AATF: variants seen among roughly 807,000 people sequenced by gnomAD.
AATF encodes protein AATF.
In AATF, 48 loss-of-function variants were observed where a neutral mutation model predicts 63.7. The observed-to-expected ratio is 0.75, with a 90% CI of 0.60 to 0.96. The LOEUF is 0.96. Ranked by LOEUF, AATF falls within the 40% of genes least tolerant of loss-of-function variation. The pLI is 0.00. For synonymous variants in AATF, 258 were observed against 247.7 expected, an observed-to-expected ratio of 1.04 and a Z score of -0.39; for missense variants, 639 against 685.7, an observed-to-expected ratio of 0.93 and a Z score of 0.76.
chr17:36,972,897 CT>C (rs1451757508), intron 4 of AATF, among the ~76,000 whole-genome samples: 1 of 152,022 alleles, frequency 6.6e-6, no homozygotes, highest in African/African-American at 2.4e-5. Context: ...GGGATTCTGT[CT>C]TTTTTAGGGT....
intron 4 of AATF, among the ~76,000 whole-genome samples, chr17:36,976,295 G>A (rs1159070571): frequency 6.6e-6 from 1 of 152,166 alleles, no homozygotes; most frequent in East Asian, 1.9e-4. Context: ...GTAAAATGGT[G>A]ATGCAATAAT....
intron 4 of AATF, among the ~76,000 whole-genome samples, chr17:36,978,995 G>A (rs2071100252): frequency 1.3e-5 from 2 of 151,910 alleles, no homozygotes; most frequent in African/African-American, 2.4e-5. Context: ...GGTAGCCCGC[G>A]AGTTGCACAA....
intron 4 of AATF, among the ~76,000 whole-genome samples, chr17:36,975,695 C>T (rs1348879221): frequency 5.3e-5 from 8 of 152,150 alleles, no homozygotes; most frequent in Admixed American, 4.6e-4. Flanking sequence ...AACAGTAGGT[C>T]AGGAGCTAGG....
At chr17:37,042,145 A>C (rs1441605573) in intron 11 of AATF, among the ~76,000 whole-genome samples, 1 of 152,082 alleles carries the variant, frequency 6.6e-6, no homozygotes, top group Non-Finnish European at 1.5e-5. Context: ...ACCTGTCAAT[A>C]TTAATGATTT....
chr17:36,992,207 A>G (rs1259778080), intron 8 of AATF, among the ~76,000 whole-genome samples: 1 of 152,240 alleles, frequency 6.6e-6, no homozygotes, highest in African/African-American at 2.4e-5. Context: ...AAAGAGAAAG[A>G]GACTTTCTAT....
chr17:37,040,047 A>G (rs2071624577), intron 11 of AATF, among the ~76,000 whole-genome samples: 1 of 152,154 alleles, frequency 6.6e-6, no homozygotes, highest in South Asian at 2.1e-4. Flanking sequence ...GATGTTTCAC[A>G]TTCTTTAAAG....
At chr17:37,010,666 T>C (rs2071383695) in intron 8 of AATF, among the ~76,000 whole-genome samples, 1 of 152,060 alleles carries the variant, frequency 6.6e-6, no homozygotes, top group Non-Finnish European at 1.5e-5. Flanking sequence ...TGCATGTGTG[T>C]GAGTGCAGCT....
intron 9 of AATF, among the ~76,000 whole-genome samples, chr17:37,019,533 G>A (rs1276430999): frequency 2.6e-5 from 4 of 152,208 alleles, no homozygotes; most frequent in African/African-American, 9.7e-5. Flanking sequence ...GAAGTGGAAC[G>A]TGGCAGCATT....
chr17:37,048,763 A>G (rs1379950517), intron 11 of AATF, among the ~76,000 whole-genome samples: 5 of 152,144 alleles, frequency 3.3e-5, no homozygotes, highest in African/African-American at 9.7e-5. Context: ...CCCAAAGAGC[A>G]CAGGGCGATT....
intron 4 of AATF, among the ~76,000 whole-genome samples, chr17:36,964,711 A>C (rs1180956760): frequency 6.6e-6 from 1 of 151,414 alleles, no homozygotes; most frequent in Non-Finnish European, 1.5e-5. Context: ...AAATCATGCT[A>C]TTTTCAGTTC....
At chr17:36,961,508 A>C (rs2070946840) in intron 4 of AATF, among the ~76,000 whole-genome samples, 1 of 152,168 alleles carries the variant, frequency 6.6e-6, no homozygotes, top group Non-Finnish European at 1.5e-5. Flanking sequence ...TTTCATGTTA[A>C]GTCTTTGAAA....
intron 8 of AATF, among the ~76,000 whole-genome samples, chr17:37,001,720 C>T (rs1234371448): frequency 6.6e-6 from 1 of 152,168 alleles, no homozygotes; most frequent in Non-Finnish European, 1.5e-5. Flanking sequence ...CAAATAACGT[C>T]ATACTCACTG....
intron 11 of AATF, among the ~76,000 whole-genome samples, chr17:37,053,729 G>A (rs2071773321): frequency 6.6e-6 from 1 of 152,172 alleles, no homozygotes; most frequent in Non-Finnish European, 1.5e-5. Flanking sequence ...AGCCGGGCGT[G>A]GTGGTGCGCA....
chr17:36,980,898 CTTTTT>C (rs1234706804), intron 4 of AATF, among the ~76,000 whole-genome samples: 1 of 132,952 alleles, frequency 7.5e-6, no homozygotes, highest in Non-Finnish European at 1.6e-5. Context: ...CTTTGATAAA[CTTTTT>C]TTTTTTTTTT....
In AATF at chr17:36,953,240, C is replaced by G. The variant is rs1171019294; in HGVS notation, c.638C>G (p.Ser213Cys). Reference sequence around the variant, plus strand: ...GATGATGGTGTGGTGATGACCTTCTCTAGTGTCAAAGTTTCTGAGGAAGTG... The same window carrying G: ...GATGATGGTGTGGTGATGACCTTCTGTAGTGTCAAAGTTTCTGAGGAAGTG... ...SEDDGVVMTFSSVKVSEEVEK... is the reference protein window; with the variant it reads ...SEDDGVVMTFCSVKVSEEVEK... Residue 213 changes from serine (S) to cysteine (C), a missense_variant, in exon 3 of 12, where the codon TCT becomes TGT. Ser to Cys is a moderately radical substitution (Grantham distance 112, BLOSUM62 -1). Coordinates refer to ENST00000619387, the MANE Select transcript of AATF (RefSeq NM_012138.4). 1 of 1,614,116 alleles carries G rather than the reference C, an allele frequency of 6.2e-7. No individual in the cohort carries two copies. The highest frequency in any genetic ancestry group is 1.1e-5 in the South Asian group (1 of 91,078).
At chr17:36,979,306 G>A (rs1224585646) in intron 4 of AATF, among the ~76,000 whole-genome samples, 3 of 152,114 alleles carry the variant, frequency 2.0e-5, no homozygotes, top group African/African-American at 7.2e-5. Context: ...GAGAATTAAA[G>A]GCATATTTTA....
intron 4 of AATF, among the ~76,000 whole-genome samples, chr17:36,980,898 C>CTTTT (rs1234706804): frequency 7.5e-6 from 1 of 132,954 alleles, no homozygotes; most frequent in African/African-American, 2.8e-5. Context: ...CTTTGATAAA[C>CTTTT]TTTTTTTTTT....
intron 4 of AATF, among the ~76,000 whole-genome samples, chr17:36,982,495 A>C (rs1436911540): frequency 6.6e-6 from 1 of 151,952 alleles, no homozygotes; most frequent in Admixed American, 6.6e-5. Flanking sequence ...CTGGGACTAC[A>C]GGCACGTGCC....
intron 4 of AATF, among the ~76,000 whole-genome samples, chr17:36,958,017 T>C (rs756619984): frequency 1.4e-4 from 22 of 152,148 alleles, no homozygotes; most frequent in Non-Finnish European, 3.1e-4. Context: ...TAATTTAAAC[T>C]TGAACTGTGG....
Sources: gnomAD v4.1 joint callset for allele counts (sites outside exome capture counted in the v4.1 genomes callset) on GRCh38, gnomAD v4.1.1 for gene constraint, MANE v1.5 for transcripts, NCBI Gene and HGNC (gene_info 2026-07-23, HGNC 2026-07-21) for gene names.